SYTL5: variants seen among roughly 807,000 people sequenced by gnomAD.
SYTL5 encodes the protein synaptotagmin like 5, also known as synaptotagmin-like protein 5.
In SYTL5, 34 loss-of-function variants were observed where a neutral mutation model predicts 55.9. The observed-to-expected ratio is 0.61, with a 90% CI of 0.46 to 0.81. The LOEUF (loss-of-function observed/expected upper bound fraction) is 0.81, where lower values mean the gene tolerates loss of function less well. Among genes scored for constraint, SYTL5 ranks in the 30% least tolerant of loss-of-function variants. The pLI, the probability that SYTL5 is intolerant of heterozygous loss-of-function variation, is 0.00. For synonymous variants in SYTL5, 221 were observed against 188.7 expected, an observed-to-expected ratio of 1.17 and a Z score of -1.40; for missense variants, 637 against 546.7, an observed-to-expected ratio of 1.17 and a Z score of -1.65.
chrX:37,925,329 G>C, the SYTL5 span, among the ~76,000 whole-genome samples: 67 of 111,757 alleles, frequency 6.0e-4, no homozygotes, highest in African/African-American at 2.1e-3. Context: ...ATTGTGGATA[G>C]TGCTGCAATA....
chrX:37,950,770 A>G, the SYTL5 span, among the ~76,000 whole-genome samples: 1 of 111,679 alleles, frequency 9.0e-6, no homozygotes, highest in African/African-American at 3.2e-5. Context: ...TGACCAAATT[A>G]AATAAGTTCT....
chrX:37,978,177 C>T, the SYTL5 span, among the ~76,000 whole-genome samples: 1 of 110,938 alleles, frequency 9.0e-6, no homozygotes, highest in African/African-American at 3.3e-5. Context: ...CCTGGGCAAA[C>T]GAAAATGAGG....
At chrX:38,106,878 T>A (rs1454628300) in intron 11 of SYTL5, 107 bp downstream of exon 11, 4 of 655,696 alleles carry the variant, frequency 6.1e-6, no homozygotes, top group Non-Finnish European at 8.6e-6. Context: ...TTCAGTCTTC[T>A]CAGAGAGTTG....
chrX:37,943,289 G>A, the SYTL5 span, among the ~76,000 whole-genome samples: 1 of 112,024 alleles, frequency 8.9e-6, no homozygotes, highest in African/African-American at 3.2e-5. Context: ...TTATGTTAAA[G>A]AAGAAAATGT....
the SYTL5 span, among the ~76,000 whole-genome samples, chrX:37,931,955 C>G: frequency 9.0e-6 from 1 of 111,321 alleles, no homozygotes; most frequent in Non-Finnish European, 1.9e-5. Context: ...GTTTTCTAGT[C>G]AGTCACTGTT....
At chrX:38,057,842 A>T (rs772035660) in intron 3 of SYTL5, among the ~76,000 whole-genome samples, 30 of 111,472 alleles carry the variant, frequency 2.7e-4, no homozygotes, top group African/African-American at 9.1e-4. Flanking sequence ...TATTCTACGT[A>T]CAAGCTATGT....
rs768213766 is a variant in SYTL5, at chrX:38,016,047, C to A, written c.-357+9379C>A. On this transcript the variant is annotated intron_variant, in intron 1 of 16. Coordinates refer to ENST00000297875, the MANE Select transcript of SYTL5 (RefSeq NM_138780.3). ...CTCTGGAATGCGCTAGGCCTACTAT[C>A]ATTAATTTTAATGATAGGAATGCTC... Among the ~76,000 whole-genome samples the A allele has an allele frequency of 6.6e-3, 742 of 111,654 alleles. 3 individuals are homozygous for A. The highest frequency in any genetic ancestry group is 0.012 in the Non-Finnish European group (621 of 53,100).
At chrX:38,016,332 GA>G (rs1031200228) in intron 1 of SYTL5, among the ~76,000 whole-genome samples, 1 of 111,460 alleles carries the variant, frequency 9.0e-6, no homozygotes, top group Non-Finnish European at 1.9e-5. Flanking sequence ...GACCATGGGG[GA>G]AAGCCACCTT....
chrX:37,990,939 C>T, the SYTL5 span: 17 of 1,210,066 alleles, frequency 1.4e-5, no homozygotes, highest in East Asian at 5.9e-5. Flanking sequence ...CTTCGTGGAC[C>T]GCGTTGTGCA....
At position 38,054,229 on chromosome X, in the gene SYTL5, C is replaced by T. The variant is rs1270392676; in HGVS notation, c.136C>T (p.Leu46Phe). 7 of 1,205,716 alleles carry T rather than the reference C, an allele frequency of 5.8e-6. No individual in the cohort carries two copies. Among genetic ancestry groups the T allele is most frequent in the Non-Finnish European group, 7.8e-6 (7 of 893,330 alleles). ...TTCTTTCAGGAAGCTGAAAAATGAA[C>T]TCTTAGAAGCAAAACGTAGAAGTGG... is the stretch of plus-strand genomic sequence containing the variant. Reference protein sequence around the residue: ...DKRIRKLKNELLEAKRRSGKT... With the variant: ...DKRIRKLKNEFLEAKRRSGKT... Residue 46 changes from leucine (L) to phenylalanine (F), a missense_variant, in exon 3 of 17, where the codon CTC becomes TTC. Leu to Phe is a conservative substitution (Grantham distance 22). Transcript: ENST00000297875.
intron 1 of SYTL5, among the ~76,000 whole-genome samples, chrX:38,018,841 C>T (rs1017811913): frequency 1.8e-5 from 2 of 111,683 alleles, no homozygotes; most frequent in East Asian, 5.6e-4. Flanking sequence ...TATTCTAAAA[C>T]GTCCCAAAAG....
intron 1 of SYTL5, among the ~76,000 whole-genome samples, chrX:38,010,824 AAAT>A (rs1474501827): frequency 8.9e-5 from 10 of 112,032 alleles, no homozygotes; most frequent in Non-Finnish European, 1.9e-4. Context: ...TCAGAAAGAA[AAAT>A]AATAATAATA....
chrX:38,098,696 G>T (rs1937002919), intron 9 of SYTL5, among the ~76,000 whole-genome samples: 1 of 110,345 alleles, frequency 9.1e-6, no homozygotes, highest in Non-Finnish European at 1.9e-5. Flanking sequence ...TTTGATCCTA[G>T]GTATCTACCC....
At position 38,125,423 on chromosome X, in the gene SYTL5, T is replaced by C; in HGVS notation, c.1967T>C (p.Val656Ala). ...SGIHPQDIKNVCLELTIWDKE... is the reference protein window; with the variant it reads ...SGIHPQDIKNACLELTIWDKE... ...ATCCATCCCCAGGATATAAAGAATG[T>C]TTGCCTAGAACTTACTATCTGGGAC... The change falls in exon 16 of 17, where the codon GTT (valine) becomes GCT (alanine). Residue 656 changes from valine to alanine, a missense_variant. Physicochemically the swap from Val to Ala is moderately conservative, Grantham distance 64 (BLOSUM62 0). Transcript: ENST00000297875. 1 of 1,211,123 alleles carries C rather than the reference T, an allele frequency of 8.3e-7. No individual in the cohort carries two copies. The highest frequency in any genetic ancestry group is 1.7e-5 in the African/African-American group (1 of 57,795).
intron 1 of SYTL5, among the ~76,000 whole-genome samples, chrX:38,012,549 T>G (rs1934222087): frequency 9.0e-6 from 1 of 111,640 alleles, no homozygotes; most frequent in Non-Finnish European, 1.9e-5. Context: ...AAATATACTT[T>G]TATCTGGATT....
chrX:37,934,415 CT>C, the SYTL5 span, among the ~76,000 whole-genome samples: 1 of 107,427 alleles, frequency 9.3e-6, no homozygotes, highest in Non-Finnish European at 1.9e-5. Context: ...TAAAATAAAA[CT>C]TTCAGTCGAG....
chrX:38,085,556 T>C (rs1330382110), intron 6 of SYTL5, among the ~76,000 whole-genome samples: 1 of 112,178 alleles, frequency 8.9e-6, no homozygotes, highest in African/African-American at 3.2e-5. Context: ...TGCATATTCA[T>C]TGTAGATCCA....
intron 13 of SYTL5, among the ~76,000 whole-genome samples, chrX:38,115,483 CAAAAAAA>C (rs772227891): frequency 2.9e-4 from 5 of 17,465 alleles, no homozygotes; most frequent in South Asian, 4.5e-3. Context: ...GACTCCGTCT[CAAAAAAA>C]AAAAAAAAAA....
At chrX:38,115,709 G>A (rs761065225) in intron 13 of SYTL5, among the ~76,000 whole-genome samples, 9 of 110,643 alleles carry the variant, frequency 8.1e-5, no homozygotes, top group African/African-American at 3.0e-4. Flanking sequence ...ACACACTTTT[G>A]GCCATTTGTA....
Sources: allele counts gnomAD v4.1 joint callset (sites outside exome capture counted in the v4.1 genomes callset), GRCh38; gene constraint gnomAD v4.1.1; transcripts MANE v1.5; gene names NCBI Gene and HGNC (gene_info 2026-07-23, HGNC 2026-07-21).